MYO1E: variants seen among roughly 807,000 people sequenced by gnomAD.
MYO1E encodes myosin IE, also known as unconventional myosin-Ie.
A neutral mutation model predicts 151.1 loss-of-function variants in MYO1E; 68 were observed. That is an observed-to-expected ratio of 0.45 (90% CI 0.37 to 0.55). The LOEUF (loss-of-function observed/expected upper bound fraction) is 0.55. MYO1E is among the 20% of genes least tolerant of loss of function. The probability of loss-of-function intolerance (pLI) is 0.00; values close to 1 mark genes in which losing one functional copy is unlikely to be tolerated. For missense variants in MYO1E, 1,363 were observed against 1,389.3 expected (o/e 0.98, Z 0.30); for synonymous variants, 601 against 501.7 (o/e 1.20, Z -2.64).
At chr15:59,229,812 G>T in intron 6 of MYO1E, among the ~76,000 whole-genome samples, 1 of 151,458 alleles carries the variant, frequency 6.6e-6, no homozygotes, top group Non-Finnish European at 1.5e-5. Context: ...AATAATTACT[G>T]TCATAGATGT....
chr15:59,345,711 C>A (rs2080790504), intron 1 of MYO1E, among the ~76,000 whole-genome samples: 2 of 152,222 alleles, frequency 1.3e-5, no homozygotes, highest in Admixed American at 1.3e-4. Flanking sequence ...CATGCCCTGA[C>A]TCAGGGAATG....
At chr15:59,304,043 C>T (rs1030803187) in intron 1 of MYO1E, among the ~76,000 whole-genome samples, 4 of 148,580 alleles carry the variant, frequency 2.7e-5, no homozygotes, top group African/African-American at 1.0e-4. Context: ...AGTGCAACGG[C>T]GCAATCTTGG....
At chr15:59,258,390 G>C (rs2080206295) in intron 3 of MYO1E, among the ~76,000 whole-genome samples, 1 of 152,168 alleles carries the variant, frequency 6.6e-6, no homozygotes, top group Non-Finnish European at 1.5e-5. Flanking sequence ...GAAAATGGAA[G>C]TGAGGTACAG....
At chr15:59,337,839 A>T (rs986092355) in intron 1 of MYO1E, among the ~76,000 whole-genome samples, 4 of 145,208 alleles carry the variant, frequency 2.8e-5, no homozygotes, top group Admixed American at 6.7e-5. Flanking sequence ...CTCAAAAAAG[A>T]AAAAAAAATC....
intron 1 of MYO1E, among the ~76,000 whole-genome samples, chr15:59,346,222 C>T (rs1235858374): frequency 6.6e-6 from 1 of 152,120 alleles, no homozygotes; most frequent in Non-Finnish European, 1.5e-5. Context: ...GAACATCCAG[C>T]CCCCGACCAG....
At chr15:59,357,543 G>T (rs2080861724) in intron 1 of MYO1E, among the ~76,000 whole-genome samples, 1 of 151,702 alleles carries the variant, frequency 6.6e-6, no homozygotes, top group Admixed American at 6.6e-5. Context: ...TCTTGTCTCA[G>T]CCTCCCGAGT....
chr15:59,163,236 T>C lies in MYO1E; in HGVS notation c.2548A>G (p.Lys850Glu), dbSNP rs2079547727. The change falls in exon 23 of 28, where the codon AAA (lysine) becomes GAA (glutamate). Residue 850 changes from lysine to glutamate, a missense_variant. By Grantham distance (56) the Lys-to-Glu change is moderately conservative. Coordinates refer to ENST00000288235, the MANE Select transcript of MYO1E (RefSeq NM_004998.4). ...EYDSLLESVFKTEFLSLLAKR... is the reference protein window; with the variant it reads ...EYDSLLESVFETEFLSLLAKR... Reference sequence around the variant, plus strand: ...GCTAAGAGGCTTAGGAATTCAGTTTTGAAGACAGATTCAAGCAAACTGTCA... The same window carrying C: ...GCTAAGAGGCTTAGGAATTCAGTTTCGAAGACAGATTCAAGCAAACTGTCA... 6.2e-7 allele frequency: 1 copy of C among 1,614,058 alleles called. No individual in the cohort carries two copies. Among genetic ancestry groups the C allele is most frequent in the South Asian group, 1.1e-5 (1 of 91,086 alleles).
At chr15:59,147,771 C>T (rs771685013) in intron 26 of MYO1E, among the ~76,000 whole-genome samples, 1 of 152,080 alleles carries the variant, frequency 6.6e-6, no homozygotes, top group African/African-American at 2.4e-5. Flanking sequence ...TCTGTGCCCA[C>T]GGAGAACAGG....
chr15:59,281,105 G>A (rs754199804), intron 1 of MYO1E, among the ~76,000 whole-genome samples: 2 of 152,042 alleles, frequency 1.3e-5, no homozygotes, highest in Admixed American at 6.5e-5. Context: ...TTTCCTCTTC[G>A]CTTTGTAAAG....
chr15:59,369,470 T>C (rs1478460850), intron 1 of MYO1E, among the ~76,000 whole-genome samples: 2 of 152,180 alleles, frequency 1.3e-5, no homozygotes, highest in Admixed American at 6.6e-5. Context: ...AAACTGGTCA[T>C]GGCCACAAAA....
intron 1 of MYO1E, among the ~76,000 whole-genome samples, chr15:59,296,751 G>A (rs2140400567): frequency 6.6e-6 from 1 of 151,910 alleles, no homozygotes; most frequent in East Asian, 1.9e-4. Flanking sequence ...TTGAGTGCAG[G>A]ACAATGAAGG....
chr15:59,193,728 C>G (rs902550977), intron 17 of MYO1E, among the ~76,000 whole-genome samples: 1 of 152,200 alleles, frequency 6.6e-6, no homozygotes, highest in Non-Finnish European at 1.5e-5. Flanking sequence ...TAGAGAAGGA[C>G]TGTACAGCCT....
chr15:59,208,206 T>C (rs3825936), intron 14 of MYO1E: 57,400 of 907,486 alleles, frequency 0.063, 2,348 homozygotes, highest in African/African-American at 0.18. Context: ...GGTAGAGTGA[T>C]TTTCCTATTT....
At chr15:59,252,389 C>T (rs146450669) in intron 4 of MYO1E, among the ~76,000 whole-genome samples, 211 of 152,198 alleles carry the variant, frequency 1.4e-3, no homozygotes, top group African/African-American at 4.8e-3. Context: ...TCAAGACCAG[C>T]CTGGCTAACA....
chr15:59,337,508 A>T (rs1395299201), intron 1 of MYO1E, among the ~76,000 whole-genome samples: 1 of 152,238 alleles, frequency 6.6e-6, no homozygotes, highest in Non-Finnish European at 1.5e-5. Flanking sequence ...TATGAAACTT[A>T]AAAGAACATT....
At chr15:59,354,300 C>T (rs1189866031) in intron 1 of MYO1E, among the ~76,000 whole-genome samples, 1 of 152,174 alleles carries the variant, frequency 6.6e-6, no homozygotes, top group African/African-American at 2.4e-5. Flanking sequence ...GGCACGTTGG[C>T]TTAAGGAAAA....
intron 1 of MYO1E, among the ~76,000 whole-genome samples, chr15:59,300,349 A>G (rs748383948): frequency 1.3e-5 from 2 of 152,068 alleles, no homozygotes; most frequent in Non-Finnish European, 2.9e-5. Flanking sequence ...TTTCTGGTGC[A>G]CACAGGCACA....
chr15:59,237,988 C>G (rs1384201595), intron 4 of MYO1E, among the ~76,000 whole-genome samples: 1 of 152,176 alleles, frequency 6.6e-6, no homozygotes. Flanking sequence ...CTGCAAAAGT[C>G]TGAACCCACC....
intron 15 of MYO1E, among the ~76,000 whole-genome samples, chr15:59,203,142 A>C (rs2079812247): frequency 6.6e-6 from 1 of 152,182 alleles, no homozygotes; most frequent in Admixed American, 6.5e-5. Flanking sequence ...TCTAGAGCAG[A>C]GTTTCTGAGT....
Sources: allele counts gnomAD v4.1 joint callset (sites outside exome capture counted in the v4.1 genomes callset), GRCh38; gene constraint gnomAD v4.1.1; transcripts MANE v1.5; gene names NCBI Gene and HGNC (gene_info 2026-07-23, HGNC 2026-07-21).